The following WWOX variants were observed in gnomAD, a reference collection of about 807,000 sequenced individuals.
WWOX encodes WW domain-containing oxidoreductase.
In WWOX, 69 loss-of-function variants were observed where a neutral mutation model predicts 46.2. The observed-to-expected ratio is 1.49, with a 90% CI of 1.23 to 1.82. The LOEUF (loss-of-function observed/expected upper bound fraction) is 1.82, where lower values mean the gene tolerates loss of function less well. Among genes scored for constraint, WWOX ranks in the 40% most tolerant of loss-of-function variants. WWOX has a pLI of 0.00. For synonymous variants in WWOX, 359 were observed against 202.6 expected (o/e 1.77, Z -6.56); for missense variants, 919 against 542.6 (o/e 1.69, Z -6.89).
At chr16:78,365,296 C>G (rs1212573539) in intron 5 of WWOX, among the ~76,000 whole-genome samples, 3 of 152,152 alleles carry the variant, frequency 2.0e-5, no homozygotes, top group East Asian at 1.9e-4. Context: ...CTGGAGGAAG[C>G]TAATGCCGTG....
chr16:78,641,689 C>T (rs184625836), intron 8 of WWOX, among the ~76,000 whole-genome samples: 10 of 152,230 alleles, frequency 6.6e-5, no homozygotes, highest in Admixed American at 4.6e-4. Flanking sequence ...CCAGTGACTC[C>T]GGGAATGCCT....
chr16:78,123,443 T>TTTTTTTTTTTG (rs2033207191), intron 4 of WWOX: 2 of 52,842 alleles, frequency 3.8e-5, no homozygotes, highest in East Asian at 1.5e-3. Flanking sequence ...TTGTTTTGTT[T>TTTTTTTTTTTG]TTTTTTTTTT....
At chr16:78,794,205 G>A (rs1453540932) in intron 8 of WWOX, among the ~76,000 whole-genome samples, 1 of 152,164 alleles carries the variant, frequency 6.6e-6, no homozygotes. Flanking sequence ...AAAACAGCAA[G>A]AAGAATATCC....
chr16:78,998,768 A>G (rs2047038427), intron 8 of WWOX, among the ~76,000 whole-genome samples: 1 of 152,242 alleles, frequency 6.6e-6, no homozygotes, highest in Non-Finnish European at 1.5e-5. Context: ...CTTCTATTGA[A>G]TGACTTCTTG....
At chr16:78,544,834 C>T (rs1486699401) in intron 8 of WWOX, among the ~76,000 whole-genome samples, 1 of 152,080 alleles carries the variant, frequency 6.6e-6, no homozygotes, top group African/African-American at 2.4e-5. Flanking sequence ...GTGATCGCTC[C>T]ACTGCACTCT....
chr16:78,523,258 T>G (rs1279399908), intron 8 of WWOX, among the ~76,000 whole-genome samples: 1 of 152,158 alleles, frequency 6.6e-6, no homozygotes, highest in Non-Finnish European at 1.5e-5. Flanking sequence ...AAAATATTAA[T>G]TTTTCATAGT....
intron 5 of WWOX, among the ~76,000 whole-genome samples, chr16:78,375,999 T>C (rs2081814699): frequency 6.6e-6 from 1 of 152,008 alleles, no homozygotes; most frequent in Non-Finnish European, 1.5e-5. Context: ...TACCAGCGCA[T>C]GTCACCATGC....
chr16:78,116,469 AGC>A (rs2032796434), intron 4 of WWOX, among the ~76,000 whole-genome samples: 1 of 152,322 alleles, frequency 6.6e-6, no homozygotes, highest in East Asian at 1.9e-4. Context: ...AAGGTAAAGA[AGC>A]AAATGGAAAT....
intron 8 of WWOX, among the ~76,000 whole-genome samples, chr16:79,064,564 C>T (rs1162039691): frequency 6.6e-6 from 1 of 152,198 alleles, no homozygotes; most frequent in African/African-American, 2.4e-5. Flanking sequence ...TGCGGATTCT[C>T]ATGTGGCTTA....
chr16:78,590,110 A>T (rs7200682), intron 8 of WWOX, among the ~76,000 whole-genome samples: 1 of 151,758 alleles, frequency 6.6e-6, no homozygotes, highest in Non-Finnish European at 1.5e-5. Context: ...AGGATAGGAA[A>T]ATAGCTTGCC....
At chr16:79,056,614 C>T (rs1046274849) in intron 8 of WWOX, among the ~76,000 whole-genome samples, 11 of 152,140 alleles carry the variant, frequency 7.2e-5, no homozygotes, top group Non-Finnish European at 1.5e-5. Context: ...TGGCCTCTAC[C>T]CACTAGATGC....
Position 79,091,429 on chromosome 16 carries a change from G to T in WWOX, c.1057-120179G>T, listed in dbSNP as rs189923518. Among the ~76,000 whole-genome samples, 4 of 152,216 alleles carry T rather than the reference G, an allele frequency of 2.6e-5. No homozygotes were observed. In the East Asian group the frequency reaches 7.7e-4, roughly 29 times the overall value. On this transcript the variant is annotated intron_variant, in intron 8 of 8. Transcript: ENST00000566780. ...TGCCAGGCAGTAGCAACATATACCAGCTTCCCCACTGGGTGTTCATTCTAC... is the reference window on the plus strand; with the variant it reads ...TGCCAGGCAGTAGCAACATATACCATCTTCCCCACTGGGTGTTCATTCTAC...
intron 8 of WWOX, among the ~76,000 whole-genome samples, chr16:79,045,882 A>T (rs1261199674): frequency 3.1e-5 from 4 of 128,106 alleles, no homozygotes; most frequent in African/African-American, 1.2e-4. Context: ...GCTCACTGCA[A>T]CCTCTGCCTC....
At chr16:78,726,246 A>C (rs956165836) in intron 8 of WWOX, among the ~76,000 whole-genome samples, 5 of 142,708 alleles carry the variant, frequency 3.5e-5, no homozygotes, top group Non-Finnish European at 7.5e-5. Context: ...TTTTTTTTGG[A>C]AACAGTCTTG....
chr16:78,811,440 C>G (rs992017050), intron 8 of WWOX, among the ~76,000 whole-genome samples: 2 of 151,998 alleles, frequency 1.3e-5, no homozygotes, highest in Non-Finnish European at 2.9e-5. Flanking sequence ...TCCTCCCTTT[C>G]TTCCTTTCCT....
chr16:79,182,095 C>T (rs1232064603), intron 8 of WWOX, among the ~76,000 whole-genome samples: 1 of 151,478 alleles, frequency 6.6e-6, no homozygotes, highest in East Asian at 1.9e-4. Context: ...AGGATGATTC[C>T]TGCTCACACC....
intron 8 of WWOX, among the ~76,000 whole-genome samples, chr16:78,486,143 CG>C (rs2084630600): frequency 6.6e-6 from 1 of 152,006 alleles, no homozygotes; most frequent in South Asian, 2.1e-4. Context: ...GCTCTGTTGG[CG>C]GGAACTAGGG....
At chr16:79,138,226 G>C (rs1052906768) in intron 8 of WWOX, among the ~76,000 whole-genome samples, 2 of 152,178 alleles carry the variant, frequency 1.3e-5, no homozygotes, top group African/African-American at 4.8e-5. Flanking sequence ...AGTCATTCCA[G>C]TTGGGGAAGG....
intron 8 of WWOX, among the ~76,000 whole-genome samples, chr16:78,960,383 T>C (rs560795658): frequency 2.6e-5 from 4 of 152,244 alleles, no homozygotes; most frequent in Non-Finnish European, 4.4e-5. Context: ...GGGCTGATAC[T>C]ACCTGTCCTT....
Sources: allele counts gnomAD v4.1 joint callset (sites outside exome capture counted in the v4.1 genomes callset), GRCh38; gene constraint gnomAD v4.1.1; transcripts MANE v1.5; gene names NCBI Gene and HGNC (gene_info 2026-07-23, HGNC 2026-07-21).